Variants in EPHX1 observed in about 807,000 individuals in gnomAD.
EPHX1 encodes epoxide hydrolase 1.
In EPHX1, 40 loss-of-function variants were observed where a neutral mutation model predicts 43.2. The observed-to-expected ratio is 0.93, with a 90% CI of 0.72 to 1.21. The LOEUF is 1.21. EPHX1 is among the 50% of genes most tolerant of loss of function. The pLI, the probability that EPHX1 is intolerant of heterozygous loss-of-function variation, is 0.00. For missense variants in EPHX1, 550 were observed against 570.4 expected, an observed-to-expected ratio of 0.96 and a Z score of 0.36; for synonymous variants, 221 against 226.7, an observed-to-expected ratio of 0.98 and a Z score of 0.22.
rs1385132002 is a variant in EPHX1 at position 225,839,843 on chromosome 1, T to C, written c.737T>C (p.Leu246Pro). ...AQLVPSHVKGLHLNMALVLSN... is the reference protein window; with the variant it reads ...AQLVPSHVKGPHLNMALVLSN... ...TCTGCCTTCAGCCACGTGAAAGGCCTGCACTTGAACATGGCTTTGGTTTTA... is the reference window on the plus strand; with the variant it reads ...TCTGCCTTCAGCCACGTGAAAGGCCCGCACTTGAACATGGCTTTGGTTTTA... The change falls in exon 6 of 9, where the codon CTG becomes CCG. Residue 246 changes from leucine (L) to proline (P), a missense_variant. Leu to Pro is a moderately conservative substitution (Grantham distance 98, BLOSUM62 -3). Coordinates refer to ENST00000272167, the MANE Select transcript of EPHX1 (RefSeq NM_001136018.4). The C allele has an allele frequency of 6.2e-7, 1 of 1,614,022 alleles. No individual in the cohort carries two copies. Among genetic ancestry groups the C allele is most frequent in the South Asian group, 1.1e-5 (1 of 91,084 alleles).
intron 3 of EPHX1, among the ~76,000 whole-genome samples, chr1:225,835,976 T>C (rs1249854539): frequency 6.6e-6 from 1 of 152,190 alleles, no homozygotes; most frequent in Non-Finnish European, 1.5e-5. Context: ...GCTGGAGGCC[T>C]GTTCTTGGCC....
At position 225,845,425 on chromosome 1, in the gene EPHX1, T is replaced by C; in HGVS notation, c.*78T>C. ...TTTCTTGGGGAAGATACCCCTTTTC[T>C]GAGGAATGAGTTTGCCTCCGTCCCC... On this transcript the variant is annotated 3_prime_UTR_variant, in exon 9 of 9. Transcript: ENST00000272167. 6.9e-7 allele frequency: 1 copy of C among 1,459,540 alleles called. No individual in the cohort carries two copies. Among genetic ancestry groups the C allele is most frequent in the Non-Finnish European group, 9.2e-7 (1 of 1,084,172 alleles). 90.4% of individuals were successfully genotyped at this position (1,459,540 alleles called of 1,614,324 possible).
At position 225,829,009 on chromosome 1, in the gene EPHX1, G is replaced by T. The variant is rs549037019; in HGVS notation, c.183+97G>T. 33 of 1,372,382 alleles carry T rather than the reference G, an allele frequency of 2.4e-5. 1 individual carries two copies. The East Asian group carries it at 7.5e-4, about 31-fold the overall frequency. 85.0% of individuals were successfully genotyped at this position (1,372,382 alleles called of 1,614,324 possible). On this transcript the variant is annotated intron_variant, in intron 2 of 8. Transcript: ENST00000272167. ...AGGCCAGATGCGGGAGGGGACGGGG[G>T]CTTGGGAATGGTCCATCCTACTTGG...
At chr1:225,844,955 G>A (rs551997125) in intron 8 of EPHX1, among the ~76,000 whole-genome samples, 191 bp from the exon 9 acceptor site, 5 of 152,254 alleles carry the variant, frequency 3.3e-5, no homozygotes, top group Admixed American at 1.3e-4. Flanking sequence ...CCCTGCCTGG[G>A]TGGCCCTCCC....
intron 1 of EPHX1, chr1:225,825,624 G>A (rs1352954550): frequency 6.6e-6 from 1 of 152,256 alleles, no homozygotes. Context: ...CAGCCTCCTT[G>A]ACAACATCAT....
intron 3 of EPHX1, among the ~76,000 whole-genome samples, chr1:225,832,631 C>T (rs373655854): frequency 5.3e-5 from 8 of 152,250 alleles, no homozygotes; most frequent in Non-Finnish European, 7.3e-5. Flanking sequence ...CGCCATACTG[C>T]GTTCCGCAGC....
In EPHX1 at chr1:225,837,380, G is replaced by A. The variant is rs563377775; in HGVS notation, c.365-1274G>A. On this transcript the variant is annotated intron_variant, in intron 3 of 8. Coordinates refer to ENST00000272167, the MANE Select transcript of EPHX1 (RefSeq NM_001136018.4). ...CGTAAGGCCCCAGGTGCTGTCCAGG[G>A]CACTGGCCTGGGAAGGGGCTGCCTT... Among the ~76,000 whole-genome samples, 21 of 152,334 alleles carry A rather than the reference G, an allele frequency of 1.4e-4. No individual in the cohort carries two copies. The South Asian group carries it at 4.3e-3, about 32-fold the overall frequency.
chr1:225,829,843 G>A lies in EPHX1; in HGVS notation c.183+931G>A, dbSNP rs138724683. 5.8e-4 allele frequency among the ~76,000 whole-genome samples: 88 copies of A among 152,352 alleles called. 2 individuals are homozygous for A. The East Asian group carries it at 0.014, about 24-fold the overall frequency. ...TAATCCCAGCACTTTAGGAGGCTGAGGCGGTGGATCACCTGAGGTCAGGAG... is the reference window on the plus strand; with the variant it reads ...TAATCCCAGCACTTTAGGAGGCTGAAGCGGTGGATCACCTGAGGTCAGGAG... On this transcript the variant is annotated intron_variant, in intron 2 of 8. Transcript: ENST00000272167.
chr1:225,843,184 G>A (rs1431777906), intron 7 of EPHX1, among the ~76,000 whole-genome samples: 1 of 150,112 alleles, frequency 6.7e-6, no homozygotes, highest in Non-Finnish European at 1.5e-5. Context: ...AATGCGCAAA[G>A]GACTGTGAGA....
At chr1:225,841,020 C>T (rs1299865704) in intron 6 of EPHX1, 2 of 152,162 alleles carry the variant, frequency 1.3e-5, no homozygotes, top group African/African-American at 4.8e-5. Flanking sequence ...TCCCCACATC[C>T]CCTCTCCTTC....
intron 1 of EPHX1, among the ~76,000 whole-genome samples, chr1:225,824,166 C>G (rs2102701840): frequency 6.6e-6 from 1 of 152,250 alleles, no homozygotes; most frequent in South Asian, 2.1e-4. Context: ...CGCAGTCCTT[C>G]CCAGGACTGG....
At chr1:225,833,275 ATTAC>A (rs1667720616) in intron 3 of EPHX1, among the ~76,000 whole-genome samples, 1 of 152,262 alleles carries the variant, frequency 6.6e-6, no homozygotes, top group South Asian at 2.1e-4. Context: ...AATTCTAGGA[ATTAC>A]TTAAAGTGTA....
rs1666397936 is a variant in EPHX1 at position 225,810,185 on chromosome 1, C to T, written c.-6+16C>T. The T allele has an allele frequency of 6.6e-6, 1 of 151,442 alleles. No individual in the cohort carries two copies. Among genetic ancestry groups the T allele is most frequent in the South Asian group, 2.1e-4 (1 of 4,830 alleles). The allele number at this position is 151,442 out of a possible 1,614,324, so 9.4% of individuals were successfully genotyped here. ...AGCCGAGACCGTAAGCGCCCGGGGC[C>T]GGCCGGGCCCGCACTCCCCGGACGC... On this transcript the variant is annotated intron_variant, in intron 1 of 8. Coordinates refer to ENST00000272167, the MANE Select transcript of EPHX1 (RefSeq NM_001136018.4).
intron 1 of EPHX1, among the ~76,000 whole-genome samples, chr1:225,826,447 CAAAAA>C (rs374232833): frequency 3.4e-4 from 29 of 84,168 alleles, no homozygotes; most frequent in East Asian, 2.0e-3. Flanking sequence ...GACTCTGTCT[CAAAAA>C]AAAAAAAAAA....
At position 225,839,182 on chromosome 1, in the gene EPHX1, C is replaced by T. The variant is rs1451018065; in HGVS notation, c.593-35C>T. The stretch of plus-strand genomic sequence containing the variant: ...GGCCCAAGGAGCAATCTGCCTGTGA[C>T]TCCGTGACTCCATGCCTTTCCCCAT... On this transcript the variant is annotated intron_variant, in intron 4 of 8. Transcript: ENST00000272167. 3.1e-6 allele frequency: 5 copies of T among 1,613,796 alleles called. No homozygotes were observed. In the South Asian group the frequency reaches 4.4e-5, roughly 14 times the overall value.
At chr1:225,824,804 G>A (rs539350835) in intron 1 of EPHX1, among the ~76,000 whole-genome samples, 2 of 152,296 alleles carry the variant, frequency 1.3e-5, no homozygotes, top group Non-Finnish European at 2.9e-5. Context: ...GGGAGCGCAA[G>A]GCGGCAGCGG....
chr1:225,829,122 C>T (rs980275955), intron 2 of EPHX1, among the ~76,000 whole-genome samples: 20 of 152,058 alleles, frequency 1.3e-4, no homozygotes, highest in Non-Finnish European at 2.6e-4. Flanking sequence ...TCTCTCTTCT[C>T]CTTTCCCTAC....
intron 6 of EPHX1, among the ~76,000 whole-genome samples, chr1:225,841,624 C>CA (rs933426701): frequency 1.7e-5 from 2 of 115,606 alleles, no homozygotes; most frequent in Non-Finnish European, 3.4e-5. Context: ...TTTTTTGAGA[C>CA]AGAGTCTTGC....
rs1291562637 is a variant in EPHX1 at position 225,810,159 on chromosome 1, G to C, written c.-16G>C. 6.6e-6 allele frequency: 1 copy of C among 151,766 alleles called. No individual in the cohort carries two copies. The highest frequency in any genetic ancestry group is 1.5e-5 in the Non-Finnish European group (1 of 67,920). 9.4% of individuals were successfully genotyped at this position (151,766 alleles called of 1,614,324 possible). On this transcript the variant is annotated 5_prime_UTR_variant, in exon 1 of 9. Coordinates refer to ENST00000272167, the MANE Select transcript of EPHX1 (RefSeq NM_001136018.4). ...CGCGCCTGCCGCCGCCGGAGCCTGCGAGCCGAGACCGTAAGCGCCCGGGGC... is the reference window on the plus strand; with the variant it reads ...CGCGCCTGCCGCCGCCGGAGCCTGCCAGCCGAGACCGTAAGCGCCCGGGGC...
Sources: gnomAD v4.1 joint callset for allele counts (sites outside exome capture counted in the v4.1 genomes callset) on GRCh38, gnomAD v4.1.1 for gene constraint, MANE v1.5 for transcripts, NCBI Gene and HGNC (gene_info 2026-07-23, HGNC 2026-07-21) for gene names.